FLVCR2: variants seen among roughly 807,000 people sequenced by gnomAD.
FLVCR2 encodes choline/ethanolamine transporter FLVCR2.
A neutral mutation model predicts 48.9 loss-of-function variants in FLVCR2; 38 were observed. The observed-to-expected ratio is 0.78, with a 90% CI of 0.60 to 1.02. FLVCR2 has a LOEUF of 1.02. Ranked by LOEUF, FLVCR2 falls within the 50% of genes least tolerant of loss-of-function variation. The probability of loss-of-function intolerance (pLI) is 0.00; values close to 1 mark genes in which losing one functional copy is unlikely to be tolerated. For synonymous variants in FLVCR2, 255 were observed against 257.0 expected (o/e 0.99, Z 0.07); for missense variants, 664 against 663.3 (o/e 1.00, Z -0.01).
intron 1 of FLVCR2, among the ~76,000 whole-genome samples, chr14:75,586,252 GT>G (rs1888746563): frequency 6.6e-6 from 1 of 151,644 alleles, no homozygotes; most frequent in African/African-American, 2.4e-5. Flanking sequence ...TTTGCAGACA[GT>G]GGGTGGATCT....
chr14:75,632,737 TAGTTAA>T (rs1890075868), intron 3 of FLVCR2: 1 of 702,362 alleles, frequency 1.4e-6, no homozygotes, highest in Admixed American at 2.0e-5. Flanking sequence ...CCTCAATGTT[TAGTTAA>T]AGTTAGAAAG....
chr14:75,631,101 A>T (rs1370317115), intron 3 of FLVCR2, among the ~76,000 whole-genome samples: 1 of 152,218 alleles, frequency 6.6e-6, no homozygotes, highest in African/African-American at 2.4e-5. Flanking sequence ...CAGAAAACAT[A>T]CATAAGCTCC....
chr14:75,606,502 A>C (rs1220096505), intron 1 of FLVCR2, among the ~76,000 whole-genome samples: 1 of 152,166 alleles, frequency 6.6e-6, no homozygotes, highest in Non-Finnish European at 1.5e-5. Flanking sequence ...TCTGCTGAGA[A>C]GCTAGACAGG....
chr14:75,606,001 A>C (rs989896768), intron 1 of FLVCR2: 5 of 232,230 alleles, frequency 2.2e-5, no homozygotes, highest in Non-Finnish European at 4.3e-5. Flanking sequence ...GGAGGTGAGC[A>C]GGCATAAGGC....
At position 75,585,653 on chromosome 14, in the gene FLVCR2, A is replaced by G. The variant is rs190642070; in HGVS notation, c.669+6012A>G. Among the ~76,000 whole-genome samples the G allele has an allele frequency of 1.0e-3, 156 of 152,194 alleles. 1 individual carries two copies. Among genetic ancestry groups the G allele is most frequent in the African/African-American group, 3.6e-3 (149 of 41,514 alleles). Reference sequence around the variant, plus strand: ...ACCAAGGGAATGTGGGTGAATGACCAAGGCAGGCGTCCCCGCGGTGGTCAG... The same window carrying G: ...ACCAAGGGAATGTGGGTGAATGACCGAGGCAGGCGTCCCCGCGGTGGTCAG... On this transcript the variant is annotated intron_variant, in intron 1 of 9. Transcript: ENST00000238667.
intron 6 of FLVCR2, among the ~76,000 whole-genome samples, chr14:75,640,087 G>A (rs1025781836): frequency 6.6e-5 from 10 of 152,004 alleles, no homozygotes; most frequent in East Asian, 5.8e-4. Flanking sequence ...GTGATACCGC[G>A]TCTCTACTAA....
At chr14:75,591,716 T>C (rs1233655754) in intron 1 of FLVCR2, among the ~76,000 whole-genome samples, 1 of 152,012 alleles carries the variant, frequency 6.6e-6, no homozygotes, top group East Asian at 1.9e-4. Context: ...CATTTCTGCT[T>C]GGCATTGTCT....
At chr14:75,621,720 A>G (rs928157131) in intron 1 of FLVCR2, among the ~76,000 whole-genome samples, 3 of 152,228 alleles carry the variant, frequency 2.0e-5, no homozygotes, top group Non-Finnish European at 4.4e-5. Flanking sequence ...TGAAACTAAA[A>G]ATTTGAGTAG....
intron 9 of FLVCR2, 21 bp downstream of exon 9, chr14:75,641,919 T>TG: frequency 6.2e-7 from 1 of 1,612,130 alleles, no homozygotes; most frequent in Non-Finnish European, 8.5e-7. Context: ...GGGAGCTTTG[T>TG]GGGGCTGAGA....
rs1206085453 is a variant in FLVCR2 at position 75,647,836 on chromosome 14, G to A, written c.*1364G>A. 1 of 152,864 alleles carries A rather than the reference G, an allele frequency of 6.5e-6. No individual in the cohort carries two copies. The highest frequency in any genetic ancestry group is 1.5e-5 in the Non-Finnish European group (1 of 68,196). 9.5% of individuals were successfully genotyped at this position (152,864 alleles called of 1,614,324 possible). On this transcript the variant is annotated 3_prime_UTR_variant, in exon 10 of 10. Transcript: ENST00000238667. ...CAGCCTGTGCTGGCTGCAATACTGT[G>A]GTGCTTGGGCCACTGCCTGAGAGGA...
intron 5 of FLVCR2, 33 bp from the exon 6 acceptor site, chr14:75,639,319 T>C (rs1286125389): frequency 3.0e-6 from 4 of 1,322,252 alleles, no homozygotes. Flanking sequence ...AAGTCAGAAG[T>C]GTTTGATTCA....
In FLVCR2 at chr14:75,578,717, G is replaced by T. The variant is rs1002669097; in HGVS notation, c.-256G>T. The T allele has an allele frequency of 1.7e-6, 1 of 576,524 alleles. No individual in the cohort carries two copies. Among genetic ancestry groups the T allele is most frequent in the Non-Finnish European group, 3.1e-6 (1 of 324,010 alleles). 35.7% of individuals were successfully genotyped at this position (576,524 alleles called of 1,614,324 possible). On this transcript the variant is annotated 5_prime_UTR_variant, in exon 1 of 10. Transcript: ENST00000238667. ...CCCAAGGCAGGAGCGGTCCGGAGCC[G>T]GCTGCGGCGTGTGCGGCCGGCCTTG...
intron 3 of FLVCR2, chr14:75,632,556 A>T: frequency 1.4e-6 from 1 of 697,424 alleles, no homozygotes. Flanking sequence ...CTTGCACCTT[A>T]GCCATCATCT....
intron 3 of FLVCR2, among the ~76,000 whole-genome samples, chr14:75,629,631 T>C (rs1889990464): frequency 6.6e-6 from 1 of 152,216 alleles, no homozygotes; most frequent in Non-Finnish European, 1.5e-5. Context: ...TCTGGCTACC[T>C]TCTCTTTGTG....
intron 1 of FLVCR2, among the ~76,000 whole-genome samples, chr14:75,610,693 C>T (rs930708329): frequency 1.3e-5 from 2 of 152,140 alleles, no homozygotes; most frequent in African/African-American, 4.8e-5. Context: ...GAGTAGGGTG[C>T]CTAGTATGCA....
At chr14:75,593,306 A>G (rs1888930663) in intron 1 of FLVCR2, among the ~76,000 whole-genome samples, 1 of 152,136 alleles carries the variant, frequency 6.6e-6, no homozygotes, top group Non-Finnish European at 1.5e-5. Flanking sequence ...AATACCTGAA[A>G]CTGGGTCATT....
At chr14:75,593,957 C>G (rs563569450) in intron 1 of FLVCR2, among the ~76,000 whole-genome samples, 21 of 152,188 alleles carry the variant, frequency 1.4e-4, no homozygotes, top group Non-Finnish European at 2.2e-4. Flanking sequence ...TCATTTCTCT[C>G]CTCTCATGTT....
In FLVCR2 at chr14:75,579,246, A is replaced by G. The variant is rs760729048; in HGVS notation, c.274A>G (p.Ser92Gly). The G allele has an allele frequency of 1.4e-5, 23 of 1,614,056 alleles. No homozygotes were observed. Among genetic ancestry groups the G allele is most frequent in the Non-Finnish European group, 1.7e-5 (20 of 1,180,046 alleles). ...RRRWAVVLVF[S>G]CYSMCNSFQW... Reference sequence around the variant, plus strand: ...CCGTTGGGCCGTGGTCCTGGTGTTTAGCTGCTACTCCATGTGCAACTCCTT... The same window carrying G: ...CCGTTGGGCCGTGGTCCTGGTGTTTGGCTGCTACTCCATGTGCAACTCCTT... The change falls in exon 1 of 10, where the codon AGC becomes GGC. Residue 92 changes from serine (S) to glycine (G), a missense_variant. Coordinates refer to ENST00000238667, the MANE Select transcript of FLVCR2 (RefSeq NM_017791.3).
At position 75,588,980 on chromosome 14, in the gene FLVCR2, G is replaced by A. The variant is rs377326676; in HGVS notation, c.669+9339G>A. On this transcript the variant is annotated intron_variant, in intron 1 of 9. Coordinates refer to ENST00000238667, the MANE Select transcript of FLVCR2 (RefSeq NM_017791.3). The stretch of plus-strand genomic sequence containing the variant: ...ACATATGAGGGAGACTCAAGGCACC[G>A]TTCATGATGAGGCAAATTCCTCTCC... Among the ~76,000 whole-genome samples, 18 of 152,154 alleles carry A rather than the reference G, an allele frequency of 1.2e-4. No homozygotes were observed. In the South Asian group the frequency reaches 2.3e-3, roughly 19 times the overall value.
Sources: allele counts gnomAD v4.1 joint callset (sites outside exome capture counted in the v4.1 genomes callset), GRCh38; gene constraint gnomAD v4.1.1; transcripts MANE v1.5; gene names NCBI Gene and HGNC (gene_info 2026-07-23, HGNC 2026-07-21).